NDFIP2: variants seen among roughly 807,000 people sequenced by gnomAD.
NDFIP2 encodes NEDD4 family-interacting protein 2.
Under a neutral mutation model 36.0 loss-of-function variants are expected in NDFIP2, and 19 were observed. The observed-to-expected ratio is 0.53, with a 90% CI of 0.37 to 0.77. The LOEUF is 0.77. Among genes scored for constraint, NDFIP2 ranks in the 30% least tolerant of loss-of-function variants. The pLI is 0.00. For synonymous variants in NDFIP2, 181 were observed against 167.7 expected, an observed-to-expected ratio of 1.08 and a Z score of -0.61; for missense variants, 446 against 435.8, an observed-to-expected ratio of 1.02 and a Z score of -0.21.
At chr13:79,520,746 C>T in intron 1 of NDFIP2, 64 bp from the exon 2 acceptor site, 1 of 1,428,136 alleles carries the variant, frequency 7.0e-7, no homozygotes, top group Non-Finnish European at 9.4e-7. Flanking sequence ...ATGATAAAAT[C>T]AGCTTAAAAT....
intron 2 of NDFIP2, 46 bp downstream of exon 2, chr13:79,521,021 G>C (rs1312038784): frequency 4.4e-6 from 6 of 1,375,982 alleles, no homozygotes; most frequent in Non-Finnish European, 5.9e-6. Flanking sequence ...TTTTTTTTTT[G>C]ACATTTTGGT....
intron 1 of NDFIP2, among the ~76,000 whole-genome samples, chr13:79,483,030 A>G (rs1333173118): frequency 6.6e-6 from 1 of 152,184 alleles, no homozygotes; most frequent in Non-Finnish European, 1.5e-5. Flanking sequence ...CTGTTAATTT[A>G]TGTAGCTCTC....
rs375536560 is a variant in NDFIP2, at chr13:79,506,861, A to C, written c.322-13949A>C. On this transcript the variant is annotated intron_variant, in intron 1 of 7. Transcript: ENST00000218652. ...GTTTGAATTTAATAACAAGGGAAAA[A>C]TACCTTAAGATCTAGGTAAATGTTG... Among the ~76,000 whole-genome samples, 10 of 152,246 alleles carry C rather than the reference A, an allele frequency of 6.6e-5. No homozygotes were observed. The South Asian group carries it at 1.0e-3, about 16-fold the overall frequency.
chr13:79,545,623 A>G (rs1844873902), intron 5 of NDFIP2, among the ~76,000 whole-genome samples: 1 of 152,366 alleles, frequency 6.6e-6, no homozygotes. Flanking sequence ...ATAATTTGTT[A>G]CAAGCAACGA....
At chr13:79,546,541 T>C (rs182338459) in intron 5 of NDFIP2, among the ~76,000 whole-genome samples, 48 of 152,292 alleles carry the variant, frequency 3.2e-4, no homozygotes, top group African/African-American at 1.2e-3. Flanking sequence ...TTGGTTTACT[T>C]ATATGAAAAA....
intron 7 of NDFIP2, 24 bp downstream of exon 7, chr13:79,551,146 T>C (rs1382313898): frequency 6.9e-7 from 1 of 1,447,784 alleles, no homozygotes; most frequent in Non-Finnish European, 9.5e-7. Flanking sequence ...ATCTGTGAAC[T>C]CTGCCTATTC....
At chr13:79,526,044 T>C (rs959816956) in intron 2 of NDFIP2, among the ~76,000 whole-genome samples, 11 of 152,178 alleles carry the variant, frequency 7.2e-5, no homozygotes, top group African/African-American at 2.7e-4. Flanking sequence ...TCTTAGCAGA[T>C]GGAGAGAAGA....
At chr13:79,524,013 G>A (rs913070290) in intron 2 of NDFIP2, among the ~76,000 whole-genome samples, 2 of 152,186 alleles carry the variant, frequency 1.3e-5, no homozygotes, top group African/African-American at 2.4e-5. Context: ...TTGATACTGT[G>A]CCCCATTAAG....
chr13:79,481,370 G>C lies in NDFIP2; in HGVS notation c.167G>C (p.Cys56Ser). 2 of 1,553,558 alleles carry C rather than the reference G, an allele frequency of 1.3e-6. No individual in the cohort carries two copies. Among genetic ancestry groups the C allele is most frequent in the Non-Finnish European group, 8.7e-7 (1 of 1,148,786 alleles). The change falls in exon 1 of 8, where the codon TGC becomes TCC. Residue 56 changes from cysteine (C) to serine (S), a missense_variant. Coordinates refer to ENST00000218652, the MANE Select transcript of NDFIP2 (RefSeq NM_019080.3). Reference sequence around the variant, plus strand: ...GAGCTTCCGCCGGGAGACCGCGGCTGCAGGAACGGAGGCGGAAGGGGCCCT... The same window carrying C: ...GAGCTTCCGCCGGGAGACCGCGGCTCCAGGAACGGAGGCGGAAGGGGCCCT... ...SEELPPGDRG[C>S]RNGGGRGPAA...
intron 1 of NDFIP2, among the ~76,000 whole-genome samples, chr13:79,491,833 G>C (rs902020853): frequency 1.3e-5 from 2 of 152,066 alleles, no homozygotes; most frequent in Non-Finnish European, 2.9e-5. Flanking sequence ...ATGTTGTTAT[G>C]GTTTCTTTCA....
chr13:79,547,826 A>G (rs1362955178), intron 5 of NDFIP2, among the ~76,000 whole-genome samples: 6 of 152,090 alleles, frequency 3.9e-5, no homozygotes, highest in African/African-American at 1.4e-4. Context: ...TGCACCTAGT[A>G]TTTTTGGCAG....
chr13:79,504,339 G>A (rs905957418), intron 1 of NDFIP2, among the ~76,000 whole-genome samples: 49 of 152,092 alleles, frequency 3.2e-4, no homozygotes, highest in African/African-American at 1.1e-3. Flanking sequence ...TTCTTTACCT[G>A]TATTTGTATA....
At chr13:79,539,579 C>A in intron 3 of NDFIP2, 103 bp from the exon 4 acceptor site, 2 of 870,640 alleles carry the variant, frequency 2.3e-6, no homozygotes, top group Non-Finnish European at 3.7e-6. Context: ...TTTGTCTATA[C>A]AACAAATTGA....
chr13:79,547,227 A>C (rs73234699), intron 5 of NDFIP2, among the ~76,000 whole-genome samples: 11,590 of 152,164 alleles, frequency 0.076, 591 homozygotes, highest in South Asian at 0.18. Flanking sequence ...ACAATTTGTA[A>C]GCATTTTTTA....
intron 3 of NDFIP2, among the ~76,000 whole-genome samples, chr13:79,535,517 A>G (rs1875200348): frequency 6.6e-6 from 1 of 152,210 alleles, no homozygotes; most frequent in Admixed American, 6.5e-5. Context: ...CCCTGTTTTT[A>G]CCTGCTTCTG....
At position 79,481,453 on chromosome 13, in the gene NDFIP2, C is replaced by G; in HGVS notation, c.250C>G (p.Leu84Val). 1 of 1,562,926 alleles carries G rather than the reference C, an allele frequency of 6.4e-7. No homozygotes were observed. Among genetic ancestry groups the G allele is most frequent in the Non-Finnish European group, 8.7e-7 (1 of 1,153,252 alleles). Residue 84 changes from leucine (L) to valine (V), a missense_variant, in exon 1 of 8, where the codon CTC becomes GTC. Physicochemically the swap from Leu to Val is conservative, Grantham distance 32. This residue lies in a region of NDFIP2 where 369 missense variants were observed against 304.8 expected (regional missense o/e 1.21). Coordinates refer to ENST00000218652, the MANE Select transcript of NDFIP2 (RefSeq NM_019080.3). ...AVGAEHGEDS[L>V]SRKPDPEPGR... ...GGGAGCTGAGCACGGAGAAGACTCCCTCTCTCGGAAGCCGGATCCCGAGCC... is the reference window on the plus strand; with the variant it reads ...GGGAGCTGAGCACGGAGAAGACTCCGTCTCTCGGAAGCCGGATCCCGAGCC...
chr13:79,505,715 A>G (rs1466136077), intron 1 of NDFIP2, among the ~76,000 whole-genome samples: 1 of 152,038 alleles, frequency 6.6e-6, no homozygotes, highest in Non-Finnish European at 1.5e-5. Context: ...AGATTATATA[A>G]ATGAATATAC....
At chr13:79,526,880 G>A (rs1044953217) in intron 2 of NDFIP2, among the ~76,000 whole-genome samples, 1 of 151,958 alleles carries the variant, frequency 6.6e-6, no homozygotes, top group Non-Finnish European at 1.5e-5. Flanking sequence ...GTAAAAATGA[G>A]GTTCATTTTA....
rs528497089 is a variant in NDFIP2, at chr13:79,499,224, T to C, written c.321+17700T>C. On this transcript the variant is annotated intron_variant, in intron 1 of 7. Coordinates refer to ENST00000218652, the MANE Select transcript of NDFIP2 (RefSeq NM_019080.3). ...TTCATGATAAAAATGCTGAGCAATC[T>C]AGTGATAGAGAAGAACATCTACTAA... Among the ~76,000 whole-genome samples the C allele has an allele frequency of 6.6e-5, 10 of 152,046 alleles. No homozygotes were observed. In the East Asian group the frequency reaches 1.4e-3, roughly 21 times the overall value.
Sources: allele counts gnomAD v4.1 joint callset (sites outside exome capture counted in the v4.1 genomes callset), GRCh38; gene constraint gnomAD v4.1.1; regional missense constraint gnomAD v4.1.1; transcripts MANE v1.5; gene names NCBI Gene and HGNC (gene_info 2026-07-23, HGNC 2026-07-21).